ORC4: variants seen among roughly 807,000 people sequenced by gnomAD.
The protein encoded by ORC4 is origin recognition complex, subunit 4 homolog.
In ORC4, 55 loss-of-function variants were observed where a neutral mutation model predicts 63.9. The ratio of observed to expected loss-of-function variants is 0.86; its 90% confidence interval spans 0.69 to 1.08. ORC4 has a LOEUF of 1.08. Among genes scored for constraint, ORC4 ranks in the 50% least tolerant of loss-of-function variants. The pLI, the probability that ORC4 is intolerant of heterozygous loss-of-function variation, is 0.00. For synonymous variants in ORC4, 150 were observed against 168.5 expected, an observed-to-expected ratio of 0.89 and a Z score of 0.85; for missense variants, 511 against 504.4, an observed-to-expected ratio of 1.01 and a Z score of -0.13.
chr2:147,989,783 C>G (rs1171105458), intron 1 of ORC4, among the ~76,000 whole-genome samples: 1 of 152,078 alleles, frequency 6.6e-6, no homozygotes, highest in Admixed American at 6.6e-5. Flanking sequence ...TAATTTATAT[C>G]AAGTTTTTCT....
At chr2:147,971,761 C>CA (rs1690225220) in intron 4 of ORC4, among the ~76,000 whole-genome samples, 2 of 151,782 alleles carry the variant, frequency 1.3e-5, no homozygotes, top group African/African-American at 2.4e-5. Flanking sequence ...AGGACTAAAA[C>CA]AAATTAAACA....
In ORC4 at chr2:148,006,662, T is replaced by C. The variant is rs549195936; in HGVS notation, c.-18+13971A>G. On this transcript the variant is annotated intron_variant, in intron 1 of 13. Transcript: ENST00000392857. ...TTTGCTCCGGGATGGCATTTATAGA[T>C]TGACCCTAGGCAGGAAGGGAATGGC... Among the ~76,000 whole-genome samples the C allele has an allele frequency of 7.2e-5, 11 of 152,294 alleles. No individual in the cohort carries two copies. In the South Asian group the frequency reaches 2.3e-3, roughly 32 times the overall value.
chr2:147,987,186 T>TA (rs11399347), intron 1 of ORC4, among the ~76,000 whole-genome samples: 47,039 of 143,526 alleles, frequency 0.33, 7,716 homozygotes, highest in East Asian at 0.51. Flanking sequence ...TTGAGATCTT[T>TA]AAAAAAAAAA....
chr2:148,011,034 G>A (rs775830272), intron 1 of ORC4, among the ~76,000 whole-genome samples: 16 of 151,606 alleles, frequency 1.1e-4, no homozygotes, highest in African/African-American at 3.2e-4. Flanking sequence ...TCACCATGTC[G>A]GCCAGGCTGG....
chr2:147,976,912 TCTC>T (rs17225311), intron 1 of ORC4, among the ~76,000 whole-genome samples: 20,633 of 152,044 alleles, frequency 0.14, 1,686 homozygotes, highest in Middle Eastern at 0.21. Context: ...TTTGTAAAAT[TCTC>T]CTCAAGTGTA....
chr2:147,957,238 ATAAT>A (rs1031133769), intron 6 of ORC4, among the ~76,000 whole-genome samples: 17 of 147,208 alleles, frequency 1.2e-4, no homozygotes, highest in Non-Finnish European at 2.1e-4. Context: ...ATATAATTAT[ATAAT>A]TAATAATTTT....
chr2:147,995,671 C>G (rs573173699), intron 1 of ORC4, among the ~76,000 whole-genome samples: 1 of 151,878 alleles, frequency 6.6e-6, no homozygotes, highest in Non-Finnish European at 1.5e-5. Context: ...CCTTTAAGAG[C>G]TGTAACACTC....
intron 1 of ORC4, among the ~76,000 whole-genome samples, chr2:148,002,780 G>A (rs965154852): frequency 2.0e-5 from 3 of 152,046 alleles, no homozygotes; most frequent in African/African-American, 7.2e-5. Context: ...AACTGAAGGA[G>A]ATAGAGACAC....
intron 6 of ORC4, among the ~76,000 whole-genome samples, chr2:147,956,172 GGAGAA>G (rs1214693354): frequency 2.0e-5 from 3 of 151,866 alleles, no homozygotes; most frequent in Admixed American, 6.6e-5. Flanking sequence ...GAGATATAAA[GGAGAA>G]AAGAAACACA....
chr2:147,944,835 C>T (rs1412730526), intron 9 of ORC4, among the ~76,000 whole-genome samples: 1 of 151,906 alleles, frequency 6.6e-6, no homozygotes, highest in Non-Finnish European at 1.5e-5. Flanking sequence ...TTTATACTCT[C>T]AGGAAATATA....
chr2:148,006,338 A>C (rs1487688112), intron 1 of ORC4, among the ~76,000 whole-genome samples: 2 of 152,138 alleles, frequency 1.3e-5, no homozygotes, highest in East Asian at 3.9e-4. Flanking sequence ...GGTTTTCATC[A>C]CATTCTGACT....
intron 1 of ORC4, among the ~76,000 whole-genome samples, chr2:147,991,318 G>C (rs569107951): frequency 2.6e-5 from 4 of 151,654 alleles, no homozygotes; most frequent in Admixed American, 1.3e-4. Flanking sequence ...AGTGCTGCTG[G>C]GATTACAGGC....
chr2:147,995,059 TA>T (rs1442223726), intron 1 of ORC4, among the ~76,000 whole-genome samples: 1 of 148,762 alleles, frequency 6.7e-6, no homozygotes, highest in Non-Finnish European at 1.5e-5. Context: ...TAAAGGATTG[TA>T]AATGCACCAA....
At chr2:148,010,182 T>C (rs1426458646) in intron 1 of ORC4, among the ~76,000 whole-genome samples, 1 of 151,988 alleles carries the variant, frequency 6.6e-6, no homozygotes, top group Non-Finnish European at 1.5e-5. Flanking sequence ...ACTTATGAGA[T>C]ACAGTTAAAG....
chr2:147,944,617 A>G (rs531618784), intron 9 of ORC4, among the ~76,000 whole-genome samples: 1 of 151,950 alleles, frequency 6.6e-6, no homozygotes, highest in African/African-American at 2.4e-5. Context: ...GAGTAAATTC[A>G]GAAGTAGCAG....
At chr2:147,959,654 G>GA (rs1027083298) in intron 4 of ORC4, among the ~76,000 whole-genome samples, 8 of 151,834 alleles carry the variant, frequency 5.3e-5, no homozygotes, top group African/African-American at 1.9e-4. Context: ...TATCTAAAAA[G>GA]AAAAAAGCAA....
chr2:147,931,993 A>G lies in ORC4; in HGVS notation c.*3517T>C, dbSNP rs923463176. The G allele has an allele frequency of 1.3e-5, 2 of 152,080 alleles. No homozygotes were observed. The highest frequency in any genetic ancestry group is 2.1e-4 in the South Asian group (1 of 4,820). The allele number at this position is 152,080 out of a possible 1,614,324, so 9.4% of individuals were successfully genotyped here. A position where few individuals can be genotyped will look rare whatever the true frequency, so the allele number is the denominator to read the frequency against. ...AGGAGAAGGAAATAAAGGGTATTCA[A>G]TTAGGAAAAGAGGAAGTCAAATTGT... On this transcript the variant is annotated 3_prime_UTR_variant, in exon 14 of 14. Transcript: ENST00000392857.
intron 2 of ORC4, among the ~76,000 whole-genome samples, chr2:147,974,287 T>A (rs1046751870): frequency 6.6e-6 from 1 of 152,158 alleles, no homozygotes; most frequent in African/African-American, 2.4e-5. Context: ...AATTTTAATT[T>A]CTGTATCTAT....
At chr2:147,987,795 T>A (rs1194225175) in intron 1 of ORC4, among the ~76,000 whole-genome samples, 1 of 152,128 alleles carries the variant, frequency 6.6e-6, no homozygotes, top group Non-Finnish European at 1.5e-5. Flanking sequence ...GGCTCCCACC[T>A]GTAATCCCAG....
Sources: allele counts gnomAD v4.1 joint callset (sites outside exome capture counted in the v4.1 genomes callset), GRCh38; gene constraint gnomAD v4.1.1; transcripts MANE v1.5; gene names NCBI Gene and HGNC (gene_info 2026-07-23, HGNC 2026-07-21).